RANBP1: variants seen among roughly 807,000 people sequenced by gnomAD.
The protein encoded by RANBP1 is ran-specific GTPase-activating protein.
Under a neutral mutation model 31.4 loss-of-function variants are expected in RANBP1, and 16 were observed. The observed-to-expected ratio is 0.51, with a 90% CI of 0.34 to 0.77. The LOEUF (loss-of-function observed/expected upper bound fraction) is 0.77, where lower values mean the gene tolerates loss of function less well. Among genes scored for constraint, RANBP1 ranks in the 30% least tolerant of loss-of-function variants. RANBP1 has a pLI of 0.01. For synonymous variants in RANBP1, 129 were observed against 140.5 expected (o/e 0.92, Z 0.58); for missense variants, 265 against 362.0 (o/e 0.73, Z 2.17).
At chr22:20,116,829 C>A in intron 1 of RANBP1, 1 of 1,512,706 alleles carries the variant, frequency 6.6e-7, no homozygotes, top group East Asian at 2.4e-5. Context: ...CCTGACCCAC[C>A]CCGCCTCCTC....
chr22:20,126,386 G>A lies in RANBP1; in HGVS notation c.736+18G>A, dbSNP rs2050298066. The A allele has an allele frequency of 6.2e-7, 1 of 1,614,008 alleles. No individual in the cohort carries two copies. The highest frequency in any genetic ancestry group is 8.5e-7 in the Non-Finnish European group (1 of 1,179,996). Reference sequence around the variant, plus strand: ...AAAGAAAGGTGACGTGGTGCCATGGGTTGGGGGGCTTCTTTGCAGACTCAC... The same window carrying A: ...AAAGAAAGGTGACGTGGTGCCATGGATTGGGGGGCTTCTTTGCAGACTCAC... On this transcript the variant is annotated intron_variant, in intron 5 of 5. Transcript: ENST00000430524.
intron 3 of RANBP1, 134 bp downstream of exon 3, chr22:20,122,555 T>A: frequency 6.4e-7 from 1 of 1,559,492 alleles, no homozygotes; most frequent in East Asian, 2.4e-5. Context: ...TTTGTTGAAT[T>A]TAAAACCAGA....
chr22:20,125,766 C>T (rs1299989569), intron 4 of RANBP1, among the ~76,000 whole-genome samples: 1 of 152,272 alleles, frequency 6.6e-6, no homozygotes, highest in Non-Finnish European at 1.5e-5. Flanking sequence ...AGGGCTTCCT[C>T]CCAGTGCTGA....
At chr22:20,125,154 A>T in intron 3 of RANBP1, 154 bp from the exon 4 acceptor site, 1 of 766,752 alleles carries the variant, frequency 1.3e-6, no homozygotes, top group Non-Finnish European at 2.2e-6. Flanking sequence ...GCGCCGTGGT[A>T]CTTTGTCTAA....
At chr22:20,118,093 C>T (rs934971496) in intron 1 of RANBP1, 5 of 999,622 alleles carry the variant, frequency 5.0e-6, no homozygotes, top group South Asian at 4.7e-5. Context: ...CCGCCACTGG[C>T]CTCTGTGGCA....
chr22:20,116,671 C>G (rs2050033176), intron 1 of RANBP1: 3 of 1,500,566 alleles, frequency 2.0e-6, no homozygotes, highest in Non-Finnish European at 2.7e-6. Context: ...CCTGGCCCCC[C>G]AAGCTTCCTT....
Position 20,127,261 on chromosome 22 carries a change from A to T in RANBP1, c.*209A>T, listed in dbSNP as rs1223268870. Reference sequence around the variant, plus strand: ...ACTTCAGAAAATCCATTCCCCAGTCATGAAAATGTACTGTGCTAACTTTCT... The same window carrying T: ...ACTTCAGAAAATCCATTCCCCAGTCTTGAAAATGTACTGTGCTAACTTTCT... On this transcript the variant is annotated 3_prime_UTR_variant, in exon 6 of 6. Transcript: ENST00000430524. 9 of 408,126 alleles carry T rather than the reference A, an allele frequency of 2.2e-5. No homozygotes were observed. The highest frequency in any genetic ancestry group is 4.1e-5 in the Non-Finnish European group (9 of 220,536). 25.3% of individuals were successfully genotyped at this position (408,126 alleles called of 1,614,324 possible).
chr22:20,126,405 G>A (rs2050298859), intron 5 of RANBP1, 37 bp downstream of exon 5: 1 of 1,613,612 alleles, frequency 6.2e-7, no homozygotes, highest in Non-Finnish European at 8.5e-7. Flanking sequence ...CTTCTTTGCA[G>A]ACTCACTCTG....
intron 2 of RANBP1, among the ~76,000 whole-genome samples, chr22:20,121,000 CTGG>C (rs2050158405): frequency 6.6e-6 from 1 of 152,260 alleles, no homozygotes; most frequent in African/African-American, 2.4e-5. Flanking sequence ...GTTGCCCAGG[CTGG>C]AGTGCAGTGG....
chr22:20,117,267 C>G (rs941772893), intron 1 of RANBP1: 3 of 641,026 alleles, frequency 4.7e-6, no homozygotes, highest in African/African-American at 3.9e-5. Flanking sequence ...GCGCCGGATC[C>G]AACCCCCAAC....
At chr22:20,123,252 T>G (rs1602545679) in intron 3 of RANBP1, among the ~76,000 whole-genome samples, 1 of 92,736 alleles carries the variant, frequency 1.1e-5, no homozygotes, top group Non-Finnish European at 2.1e-5. Context: ...GTATCCGGGG[T>G]GTGTGTAGGG....
intron 3 of RANBP1, among the ~76,000 whole-genome samples, chr22:20,123,162 G>A (rs1257647815): frequency 7.2e-6 from 1 of 139,772 alleles, no homozygotes; most frequent in Admixed American, 7.0e-5. Flanking sequence ...GTCTGAAGGT[G>A]TGTCGGGGCA....
chr22:20,121,450 C>T (rs1163638023), intron 2 of RANBP1, among the ~76,000 whole-genome samples: 4 of 152,040 alleles, frequency 2.6e-5, no homozygotes, highest in East Asian at 3.9e-4. Context: ...GGTTTCTCCA[C>T]GTTGGTCAGG....
chr22:20,117,185 C>G (rs1032203870), intron 1 of RANBP1: 261 of 548,792 alleles, frequency 4.8e-4, no homozygotes, highest in Non-Finnish European at 6.7e-4. Flanking sequence ...GCCAGCCACT[C>G]TTAGTCCGCC....
chr22:20,116,742 A>T, intron 1 of RANBP1: 1 of 1,360,740 alleles, frequency 7.3e-7, no homozygotes, highest in Non-Finnish European at 1.0e-6. Flanking sequence ...CCCCCAGTCT[A>T]CCCTCCCGAC....
intron 1 of RANBP1, chr22:20,117,333 C>A: frequency 8.7e-7 from 1 of 1,148,710 alleles, no homozygotes; most frequent in Non-Finnish European, 1.1e-6. Flanking sequence ...GCGCGGGTGT[C>A]GCCGGGAGTG....
At chr22:20,116,918 T>G (rs773687655) in intron 1 of RANBP1, 3 of 1,533,268 alleles carry the variant, frequency 2.0e-6, no homozygotes, top group South Asian at 2.3e-5. Flanking sequence ...GCCCAGGCGG[T>G]TCTCCGCCTA....
Position 20,116,104 on chromosome 22 carries a change from A to G in RANBP1, c.-81A>G. The stretch of plus-strand genomic sequence containing the variant: ...CCGCTCAAGCTGCTCAGCATAGGGC[A>G]CTGTCCATAGAGGGGTCACCACGTC... On this transcript the variant is annotated 5_prime_UTR_variant, in exon 1 of 6. Transcript: ENST00000430524. The G allele has an allele frequency of 6.2e-7, 1 of 1,608,154 alleles. No homozygotes were observed. The highest frequency in any genetic ancestry group is 1.1e-5 in the South Asian group (1 of 90,800).
rs767434339 is a variant in RANBP1, at chr22:20,125,294, TTC to T, written c.542-6_542-5del. The stretch of plus-strand genomic sequence containing the variant: ...CAGTCATCTCACCATCTTCACGAGC[TTC>T]TCTCTCTTCAGTCACGCCGATGATG... On this transcript the variant is annotated splice_polypyrimidine_tract_variant and intron_variant, in intron 3 of 5. Transcript: ENST00000430524. 1.9e-6 allele frequency: 3 copies of T among 1,611,450 alleles called. No homozygotes were observed. Among genetic ancestry groups the T allele is most frequent in the Non-Finnish European group, 1.7e-6 (2 of 1,179,820 alleles).
Sources: allele counts gnomAD v4.1 joint callset (sites outside exome capture counted in the v4.1 genomes callset), GRCh38; gene constraint gnomAD v4.1.1; transcripts MANE v1.5; gene names NCBI Gene and HGNC (gene_info 2026-07-23, HGNC 2026-07-21).